Variants in GPM6A observed in about 807,000 individuals in gnomAD.
GPM6A encodes glycoprotein M6A.
Under a neutral mutation model 32.1 loss-of-function variants are expected in GPM6A, and 7 were observed. The observed-to-expected ratio is 0.22, with a 90% CI of 0.12 to 0.41. The LOEUF is 0.41. GPM6A is among the 10% of genes least tolerant of loss of function. The pLI is 1.00. For synonymous variants in GPM6A, 130 were observed against 123.4 expected (o/e 1.05, Z -0.35); for missense variants, 235 against 347.2 (o/e 0.68, Z 2.57).
intron 2 of GPM6A, among the ~76,000 whole-genome samples, chr4:175,689,341 G>A (rs1345396174): frequency 6.6e-6 from 1 of 152,016 alleles, no homozygotes; most frequent in East Asian, 1.9e-4. Context: ...TGCATTATAT[G>A]GGAAGTCTTT....
chr4:175,813,325 A>T (rs1735001947), upstream of GPM6A, among the ~76,000 whole-genome samples: 2 of 152,234 alleles, frequency 1.3e-5, no homozygotes, highest in Admixed American at 1.3e-4. Flanking sequence ...ACAATGCTGC[A>T]GTCTGGCGAT....
intron 2 of GPM6A, among the ~76,000 whole-genome samples, chr4:175,695,216 G>A (rs1443929237): frequency 2.0e-5 from 3 of 152,214 alleles, no homozygotes; most frequent in Admixed American, 1.3e-4. Flanking sequence ...GAAATGTGAG[G>A]TTGGAGCTCC....
chr4:175,968,680 C>T (rs1408624572), intron 1 of GPM6A, among the ~76,000 whole-genome samples: 1 of 152,132 alleles, frequency 6.6e-6, no homozygotes, highest in African/African-American at 2.4e-5. Context: ...TGAAAAAATA[C>T]TCCACATCAT....
intron 1 of GPM6A, among the ~76,000 whole-genome samples, chr4:175,707,450 A>T (rs1485453716): frequency 1.3e-5 from 2 of 152,232 alleles, no homozygotes; most frequent in Non-Finnish European, 2.9e-5. Context: ...TGATTACACA[A>T]ATTAACTCAT....
chr4:175,879,104 C>A (rs1045048978), intron 1 of GPM6A, among the ~76,000 whole-genome samples: 6 of 152,166 alleles, frequency 3.9e-5, no homozygotes, highest in Non-Finnish European at 7.3e-5. Context: ...AATTTCTCAT[C>A]TCCATCTGAG....
At chr4:175,954,840 C>A (rs886885124) in intron 1 of GPM6A, among the ~76,000 whole-genome samples, 10 of 152,184 alleles carry the variant, frequency 6.6e-5, no homozygotes, top group African/African-American at 2.4e-4. Context: ...TGATGGCAAA[C>A]AGCCAAACCT....
intron 1 of GPM6A, among the ~76,000 whole-genome samples, chr4:175,791,705 A>T (rs1734020140): frequency 6.6e-6 from 1 of 152,156 alleles, no homozygotes; most frequent in Non-Finnish European, 1.5e-5. Context: ...CATCTAAAAC[A>T]TACAGAAGCA....
intron 1 of GPM6A, among the ~76,000 whole-genome samples, chr4:175,920,282 C>T (rs1738623502): frequency 6.6e-6 from 1 of 152,156 alleles, no homozygotes; most frequent in African/African-American, 2.4e-5. Flanking sequence ...CCTCTGCTAC[C>T]AGTTGTGTTA....
Position 175,917,358 on chromosome 4 carries a change from C to T in GPM6A, c.-23+84951G>A, listed in dbSNP as rs187157639. On this transcript the variant is annotated intron_variant, in intron 1 of 7. Coordinates refer to the GPM6A transcript ENST00000280187. ...CCATCTTCTTCCCCAAGCACTGCCC[C>T]TTGCCTGCATTGAAGGACCCTGCTA... is the stretch of plus-strand genomic sequence containing the variant. Among the ~76,000 whole-genome samples the T allele has an allele frequency of 1.1e-3, 169 of 152,226 alleles. 1 individual carries two copies. Among genetic ancestry groups the T allele is most frequent in the South Asian group, 3.7e-3 (18 of 4,824 alleles).
chr4:175,693,351 A>G (rs1216610499), intron 2 of GPM6A, among the ~76,000 whole-genome samples: 1 of 149,984 alleles, frequency 6.7e-6, no homozygotes, highest in East Asian at 1.9e-4. Context: ...GTATTATAGA[A>G]GTATAATAAA....
chr4:175,670,160 T>C (rs1415271199), intron 3 of GPM6A, among the ~76,000 whole-genome samples: 2 of 152,244 alleles, frequency 1.3e-5, no homozygotes, highest in Non-Finnish European at 2.9e-5. Context: ...AAGTTATTAT[T>C]GTTTTATTTA....
chr4:175,777,039 C>A (rs552468112), intron 1 of GPM6A, among the ~76,000 whole-genome samples: 23 of 151,984 alleles, frequency 1.5e-4, no homozygotes, highest in Non-Finnish European at 3.1e-4. Flanking sequence ...TTTATAAATT[C>A]CAAATTTAAT....
intron 3 of GPM6A, among the ~76,000 whole-genome samples, chr4:175,672,118 C>G: frequency 6.6e-6 from 1 of 152,078 alleles, no homozygotes; most frequent in East Asian, 1.9e-4. Flanking sequence ...ATATGCAATT[C>G]TTCCTTGATT....
intron 1 of GPM6A, among the ~76,000 whole-genome samples, chr4:175,713,073 C>A (rs1745643880): frequency 6.6e-6 from 1 of 152,072 alleles, no homozygotes; most frequent in Non-Finnish European, 1.5e-5. Flanking sequence ...GTCTAACATG[C>A]CATAAAGATG....
intron 1 of GPM6A, among the ~76,000 whole-genome samples, chr4:175,941,598 T>C (rs1228321496): frequency 6.6e-6 from 1 of 152,232 alleles, no homozygotes; most frequent in Non-Finnish European, 1.5e-5. Context: ...TGTGTCCATG[T>C]GTTCTCATTG....
At chr4:175,672,036 T>C (rs1743109419) in intron 3 of GPM6A, among the ~76,000 whole-genome samples, 1 of 150,872 alleles carries the variant, frequency 6.6e-6, no homozygotes, top group Non-Finnish European at 1.5e-5. Context: ...GCTTCGAAAA[T>C]TCCTATTTGA....
At chr4:175,854,511 G>A (rs981476351) in intron 1 of GPM6A, among the ~76,000 whole-genome samples, 1 of 152,136 alleles carries the variant, frequency 6.6e-6, no homozygotes, top group African/African-American at 2.4e-5. Flanking sequence ...TGAACAAAAT[G>A]TATGAAACAA....
chr4:175,826,174 AAC>A (rs1421142576), intron 1 of GPM6A, among the ~76,000 whole-genome samples: 1 of 149,046 alleles, frequency 6.7e-6, no homozygotes, highest in African/African-American at 2.6e-5. Flanking sequence ...CAAACAAACA[AAC>A]AAAAAAACTG....
intron 1 of GPM6A, among the ~76,000 whole-genome samples, chr4:175,972,685 T>C (rs1740544056): frequency 6.6e-6 from 1 of 152,190 alleles, no homozygotes; most frequent in Non-Finnish European, 1.5e-5. Flanking sequence ...ATTACCTTTG[T>C]TTTGGGCTTG....
Sources: gnomAD v4.1 joint callset for allele counts (sites outside exome capture counted in the v4.1 genomes callset) on GRCh38, gnomAD v4.1.1 for gene constraint, MANE v1.5 for transcripts, NCBI Gene and HGNC (gene_info 2026-07-23, HGNC 2026-07-21) for gene names.